DOCK10: variants seen among roughly 807,000 people sequenced by gnomAD.
DOCK10 encodes the protein dedicator of cytokinesis protein 10.
Under a neutral mutation model 280.1 loss-of-function variants are expected in DOCK10, and 145 were observed. The ratio of observed to expected loss-of-function variants is 0.52; its 90% confidence interval spans 0.45 to 0.59. DOCK10 has a LOEUF of 0.59. Among genes scored for constraint, DOCK10 ranks in the 20% least tolerant of loss-of-function variants. The pLI is 0.00. For missense variants in DOCK10, 2,368 were observed against 2,651.7 expected (o/e 0.89, Z 2.35); for synonymous variants, 915 against 942.2 (o/e 0.97, Z 0.53).
At chr2:224,885,876 T>C in intron 6 of DOCK10, 71 bp from the exon 7 acceptor site, 1 of 1,552,992 alleles carries the variant, frequency 6.4e-7, no homozygotes, top group African/African-American at 1.4e-5. Flanking sequence ...ATTAGAATTA[T>C]TCTAATTCCT....
chr2:224,921,112 A>AAAAAATATAT, intron 2 of DOCK10, among the ~76,000 whole-genome samples: 10 of 54,410 alleles, frequency 1.8e-4, no homozygotes, highest in African/African-American at 1.3e-3. Context: ...AAAAAAAAAA[A>AAAAAATATAT]ATATATATAT....
chr2:225,010,930 G>A (rs1175685145), intron 1 of DOCK10, among the ~76,000 whole-genome samples: 1 of 152,128 alleles, frequency 6.6e-6, no homozygotes, highest in East Asian at 1.9e-4. Context: ...CCAAACGTAG[G>A]TAAAAGGCCT....
chr2:224,815,905 A>T (rs6728151), intron 30 of DOCK10, among the ~76,000 whole-genome samples: 26,354 of 150,860 alleles, frequency 0.17, 3,393 homozygotes, highest in African/African-American at 0.38. Flanking sequence ...GTGTGGTGGC[A>T]CACACCTGTA....
chr2:225,020,822 T>TCACA (rs140478459), intron 1 of DOCK10, among the ~76,000 whole-genome samples: 4 of 151,668 alleles, frequency 2.6e-5, no homozygotes, highest in African/African-American at 7.3e-5. Context: ...ATGTTGGGTT[T>TCACA]CACACACACA....
At chr2:224,872,285 A>C (rs1698339552) in intron 11 of DOCK10, among the ~76,000 whole-genome samples, 1 of 152,224 alleles carries the variant, frequency 6.6e-6, no homozygotes, top group African/African-American at 2.4e-5. Context: ...ACGAATGCTT[A>C]CTTTGTACCA....
intron 55 of DOCK10, among the ~76,000 whole-genome samples, chr2:224,769,199 A>C (rs1354924677): frequency 6.6e-6 from 1 of 152,192 alleles, no homozygotes; most frequent in Non-Finnish European, 1.5e-5. Flanking sequence ...ACGGCAATTC[A>C]TTTTCTCCAA....
At chr2:224,774,789 A>T in intron 52 of DOCK10, 116 bp downstream of exon 52, 1 of 900,650 alleles carries the variant, frequency 1.1e-6, no homozygotes, top group Non-Finnish European at 1.7e-6. Context: ...CAGTTAGCAC[A>T]TGTTGGGTAC....
Position 224,770,536 on chromosome 2 carries a change from G to A in DOCK10, c.6305+9C>T. The A allele has an allele frequency of 6.2e-7, 1 of 1,610,500 alleles. No homozygotes were observed. The highest frequency in any genetic ancestry group is 8.5e-7 in the Non-Finnish European group (1 of 1,176,680). On this transcript the variant is annotated intron_variant, in intron 54 of 55. Transcript: ENST00000258390. This position sits in a 1 kb window ranked among gnomAD's most constrained non-coding sequence, Gnocchi z 4.5. ...TCAAGGAAGAACATCCCAACAGCGAGAAGCTTACCTGAAGATCTCCTTCAA... is the reference window on the plus strand; with the variant it reads ...TCAAGGAAGAACATCCCAACAGCGAAAAGCTTACCTGAAGATCTCCTTCAA...
At chr2:224,956,219 T>G (rs1304201381) in intron 1 of DOCK10, among the ~76,000 whole-genome samples, 1 of 152,200 alleles carries the variant, frequency 6.6e-6, no homozygotes, top group East Asian at 1.9e-4. Context: ...GAAGAGACTC[T>G]CCAGTGTTTG....
At chr2:224,881,823 T>C (rs971641742) in intron 7 of DOCK10, among the ~76,000 whole-genome samples, 14 of 152,210 alleles carry the variant, frequency 9.2e-5, no homozygotes, top group African/African-American at 3.4e-4. Context: ...GTTTTCCTTG[T>C]AATGTTCTTT....
chr2:224,822,275 G>GT (rs1325748596), intron 28 of DOCK10, among the ~76,000 whole-genome samples: 2 of 152,124 alleles, frequency 1.3e-5, no homozygotes, highest in African/African-American at 2.4e-5. Flanking sequence ...ATGTATCTTA[G>GT]TTTTTTCTTC....
intron 1 of DOCK10, among the ~76,000 whole-genome samples, chr2:225,031,188 C>T (rs1250037633): frequency 6.6e-6 from 1 of 152,206 alleles, no homozygotes; most frequent in Non-Finnish European, 1.5e-5. Flanking sequence ...ATCATTTGGA[C>T]TGTGGATAGC....
intron 1 of DOCK10, among the ~76,000 whole-genome samples, chr2:224,986,730 A>G (rs1705984855): frequency 6.6e-6 from 1 of 152,180 alleles, no homozygotes; most frequent in Non-Finnish European, 1.5e-5. Context: ...CAACCCTAAG[A>G]GCACCTTGAT....
intron 3 of DOCK10, among the ~76,000 whole-genome samples, chr2:224,908,413 G>C (rs985195632): frequency 1.2e-5 from 1 of 84,624 alleles, no homozygotes; most frequent in Admixed American, 1.4e-4. Context: ...AATCATCATC[G>C]TTTGTGTGTG....
Position 224,774,920 on chromosome 2 carries a change from G to A in DOCK10, c.5998C>T (p.Arg2000Trp), listed in dbSNP as rs752843197. 7 of 1,597,298 alleles carry A rather than the reference G, an allele frequency of 4.4e-6. No homozygotes were observed. In the East Asian group the frequency reaches 6.8e-5, roughly 16 times the overall value. The change falls in exon 52 of 56, where the codon CGG becomes TGG. Residue 2000 changes from arginine (R) to tryptophan (W), a missense_variant. Coordinates refer to ENST00000258390, the MANE Select transcript of DOCK10 (RefSeq NM_014689.3). Reference sequence around the variant, plus strand: ...CTGCACCTACTTGTCAGGATCGTCCGCCGCTTGCACTGCTCCGCCACCCCA... The same window carrying A: ...CTGCACCTACTTGTCAGGATCGTCCACCGCTTGCACTGCTCCGCCACCCCA... The part of the protein sequence containing the change: ...HGGVAEQCKR[R>W]TILTTSHLFP...
chr2:225,011,409 G>A (rs1196157716), intron 1 of DOCK10, among the ~76,000 whole-genome samples: 1 of 152,168 alleles, frequency 6.6e-6, no homozygotes, highest in African/African-American at 2.4e-5. Context: ...GCAAGATCAA[G>A]TTACTTTAAA....
chr2:224,882,666 T>G (rs1699044196), intron 7 of DOCK10, among the ~76,000 whole-genome samples: 1 of 152,244 alleles, frequency 6.6e-6, no homozygotes, highest in Non-Finnish European at 1.5e-5. Flanking sequence ...TAGTACTTTC[T>G]GAGGCAGAGA....
intron 26 of DOCK10, among the ~76,000 whole-genome samples, chr2:224,831,570 A>G (rs571606361): frequency 2.0e-5 from 3 of 152,336 alleles, no homozygotes; most frequent in Admixed American, 6.5e-5. Context: ...TAAATAACTC[A>G]ATCTCAAAAT....
chr2:224,850,876 T>C (rs1696684843), intron 18 of DOCK10, among the ~76,000 whole-genome samples: 1 of 152,224 alleles, frequency 6.6e-6, no homozygotes, highest in Non-Finnish European at 1.5e-5. Flanking sequence ...TCCTCAGCCA[T>C]GCAGAAACTG....
Sources: gnomAD v4.1 joint callset for allele counts (sites outside exome capture counted in the v4.1 genomes callset) on GRCh38, gnomAD v4.1.1 for gene constraint, Gnocchi (gnomAD v3.1) non-coding constraint, MANE v1.5 for transcripts, NCBI Gene and HGNC (gene_info 2026-07-23, HGNC 2026-07-21) for gene names.